Variants in SRPRB observed in about 807,000 individuals in gnomAD.
SRPRB encodes SRP receptor subunit beta, also known as signal recognition particle receptor subunit beta.
Under a neutral mutation model 31.9 loss-of-function variants are expected in SRPRB, and 20 were observed. That is an observed-to-expected ratio of 0.63 (90% CI 0.44 to 0.91). The LOEUF is 0.91. Among genes scored for constraint, SRPRB ranks in the 40% least tolerant of loss-of-function variants. The pLI, the probability that SRPRB is intolerant of heterozygous loss-of-function variation, is 0.00. For synonymous variants in SRPRB, 146 were observed against 132.8 expected (o/e 1.10, Z -0.68); for missense variants, 321 against 324.9 (o/e 0.99, Z 0.09).
downstream of SRPRB, chr3:133,825,951 T>C (rs560110102): frequency 6.6e-6 from 1 of 152,192 alleles, no homozygotes; most frequent in Non-Finnish European, 1.5e-5. Flanking sequence ...TGCCATGACA[T>C]CTTCTTCAAG....
At chr3:133,798,808 T>C (rs546312595) in intron 1 of SRPRB, among the ~76,000 whole-genome samples, 74 of 152,292 alleles carry the variant, frequency 4.9e-4, no homozygotes, top group Non-Finnish European at 9.1e-4. Context: ...TGATTGTGGA[T>C]GACTTTGCTC....
chr3:133,815,688 A>G lies in SRPRB; in HGVS notation c.509A>G (p.Lys170Arg). 6.2e-7 allele frequency: 1 copy of G among 1,614,070 alleles called. No homozygotes were observed. The highest frequency in any genetic ancestry group is 8.5e-7 in the Non-Finnish European group (1 of 1,180,002). The change falls in exon 5 of 7, where the codon AAG (lysine) becomes AGG (arginine). Residue 170 changes from lysine to arginine, a missense_variant. Transcript: ENST00000678299. ...YQVLIDSMGL[K>R]NTPSFLIACN... is the part of the protein sequence containing the mutation. ...GTCCTCATTGACAGTATGGGTCTGA[A>G]GAATACACCATCATTCTTAATAGCC...
In SRPRB at chr3:133,805,853, C is replaced by A; in HGVS notation, c.5C>A (p.Ala2Asp). ...CGGGGACCACGCGTCTCATCCATGG[C>A]TTCCGCGGACTCGCGCCGGGTGGCA... M[A>D]SADSRRVADG... Residue 2 changes from alanine (A) to aspartate (D), a missense_variant, in exon 1 of 7, where the codon GCT (alanine) becomes GAT (aspartate). Transcript: ENST00000678299. The A allele has an allele frequency of 6.2e-7, 1 of 1,609,310 alleles. No homozygotes were observed. The highest frequency in any genetic ancestry group is 8.5e-7 in the Non-Finnish European group (1 of 1,177,596).
chr3:133,805,927 C>A lies in SRPRB; in HGVS notation c.79C>A (p.Arg27=), dbSNP rs759421700. The change falls in exon 1 of 7, where the codon CGG becomes AGG. Residue 27 remains arginine, a synonymous_variant. Transcript: ENST00000678299. ...GTFQPYLDTL[R]QELQQTDPTL... ...CTTCCAGCCCTACCTAGACACCTTG[C>A]GGCAGGAGCTGCAGCAGACGGACCC... 1.2e-6 allele frequency: 2 copies of A among 1,614,050 alleles called. No homozygotes were observed. The highest frequency in any genetic ancestry group is 2.2e-5 in the East Asian group (1 of 44,870).
chr3:133,808,998 T>C (rs1935212736), intron 3 of SRPRB, among the ~76,000 whole-genome samples: 1 of 151,884 alleles, frequency 6.6e-6, no homozygotes, highest in African/African-American at 2.4e-5. Context: ...ATAAGTTTGT[T>C]TGTTTGTTTT....
intron 1 of SRPRB, chr3:133,788,981 G>C (rs1934761098): frequency 6.6e-6 from 1 of 152,284 alleles, no homozygotes; most frequent in African/African-American, 2.4e-5. Context: ...CTAAACGCCA[G>C]TGATTACACC....
intron 6 of SRPRB, among the ~76,000 whole-genome samples, chr3:133,819,094 G>C (rs1392534392): frequency 3.9e-5 from 6 of 152,064 alleles, no homozygotes; most frequent in Admixed American, 6.6e-5. Flanking sequence ...TTCTGCCCTA[G>C]TTAGATATGA....
intron 6 of SRPRB, among the ~76,000 whole-genome samples, chr3:133,818,994 C>CT (rs1935416407): frequency 6.6e-6 from 1 of 152,084 alleles, no homozygotes. Flanking sequence ...ATGAGTGTTG[C>CT]TTATGCACCC....
chr3:133,807,967 A>G, intron 3 of SRPRB, 144 bp downstream of exon 3: 1 of 621,616 alleles, frequency 1.6e-6, no homozygotes, highest in Non-Finnish European at 2.8e-6. Context: ...CTTTGTGACA[A>G]ATTCTCTTGA....
intron 1 of SRPRB, chr3:133,795,090 A>T (rs1341934242): frequency 2.0e-5 from 3 of 152,238 alleles, no homozygotes; most frequent in South Asian, 2.1e-4. Context: ...GCTAAACAGA[A>T]GAGTATCTGT....
chr3:133,816,941 G>A lies in SRPRB; in HGVS notation c.602+9G>A, dbSNP rs766378685. The A allele has an allele frequency of 6.2e-7, 1 of 1,607,810 alleles. No homozygotes were observed. Among genetic ancestry groups the A allele is most frequent in the Non-Finnish European group, 8.5e-7 (1 of 1,177,202 alleles). On this transcript the variant is annotated intron_variant, in intron 6 of 6. Transcript: ENST00000678299. ...CAGCTGGAGAAAGAACTGTAAGTGTGAAAGAGGCCTGTTGGTTAATTATAT... is the reference window on the plus strand; with the variant it reads ...CAGCTGGAGAAAGAACTGTAAGTGTAAAAGAGGCCTGTTGGTTAATTATAT...
chr3:133,819,145 A>C (rs545263783), intron 6 of SRPRB, among the ~76,000 whole-genome samples: 98 of 152,354 alleles, frequency 6.4e-4, no homozygotes, highest in African/African-American at 2.3e-3. Context: ...ATATCCAAAT[A>C]GACTCAAGAT....
rs1212781846 is a variant in SRPRB at position 133,820,205 on chromosome 3, A to G, written c.*439A>G. 1 of 183,132 alleles carries G rather than the reference A, an allele frequency of 5.5e-6. No homozygotes were observed. Among genetic ancestry groups the G allele is most frequent in the African/African-American group, 2.4e-5 (1 of 42,314 alleles). 11.3% of individuals were successfully genotyped at this position (183,132 alleles called of 1,614,324 possible). A position where few individuals can be genotyped will look rare whatever the true frequency, so the allele number is the denominator to read the frequency against. On this transcript the variant is annotated 3_prime_UTR_variant, in exon 7 of 7. Coordinates refer to ENST00000678299, the MANE Select transcript of SRPRB (RefSeq NM_001379313.1). ...CTATTTCCAGTTGCCTCTGAAGTTC[A>G]CAGGCAATACATTGTCTAGTCCTTT...
At chr3:133,802,967 C>T (rs928777445), upstream of SRPRB, among the ~76,000 whole-genome samples, 2 of 152,202 alleles carry the variant, frequency 1.3e-5, no homozygotes, top group African/African-American at 4.8e-5. Context: ...CACCCACACC[C>T]ACCACCTAGG....
At chr3:133,807,717 G>T in intron 2 of SRPRB, 29 bp from the exon 3 acceptor site, 1 of 1,493,760 alleles carries the variant, frequency 6.7e-7, no homozygotes, top group South Asian at 1.1e-5. Context: ...TTAAAATGTT[G>T]AATATCACCC....
upstream of SRPRB, among the ~76,000 whole-genome samples, chr3:133,803,132 A>C (rs554017182): frequency 6.6e-6 from 1 of 151,934 alleles, no homozygotes; most frequent in East Asian, 1.9e-4. Context: ...TTGCCTAAAT[A>C]CTGCATCTTT....
In SRPRB at chr3:133,805,823, T is replaced by C. The variant is rs755016360; in HGVS notation, c.-26T>C. 3 of 1,589,602 alleles carry C rather than the reference T, an allele frequency of 1.9e-6. No homozygotes were observed. The highest frequency in any genetic ancestry group is 2.6e-6 in the Non-Finnish European group (3 of 1,169,008). On this transcript the variant is annotated 5_prime_UTR_variant, in exon 1 of 7. Transcript: ENST00000678299. ...GAGTGCAGGGCCACGTCGCTTTTGC[T>C]GTACCGGGGACCACGCGTCTCATCC...
chr3:133,791,421 C>T (rs1439579650), intron 1 of SRPRB: 2 of 152,124 alleles, frequency 1.3e-5, no homozygotes, highest in African/African-American at 4.8e-5. Flanking sequence ...AACCCAGAAA[C>T]CTGGCATACT....
chr3:133,795,666 C>T (rs1189184757), intron 1 of SRPRB: 1 of 149,544 alleles, frequency 6.7e-6, no homozygotes, highest in Non-Finnish European at 1.5e-5. Context: ...AGCTCCACTT[C>T]CCGGGTTCAC....
Sources: gnomAD v4.1 joint callset for allele counts (sites outside exome capture counted in the v4.1 genomes callset) on GRCh38, gnomAD v4.1.1 for gene constraint, MANE v1.5 for transcripts, NCBI Gene and HGNC (gene_info 2026-07-23, HGNC 2026-07-21) for gene names.